IL1RL1: variants seen among roughly 807,000 people sequenced by gnomAD.
IL1RL1 encodes the protein interleukin-1 receptor-like 1.
A neutral mutation model predicts 50.9 loss-of-function variants in IL1RL1; 32 were observed. That is an observed-to-expected ratio of 0.63 (90% CI 0.47 to 0.84). The LOEUF (loss-of-function observed/expected upper bound fraction) is 0.84. IL1RL1 is among the 40% of genes least tolerant of loss of function. The pLI is 0.00. For missense variants in IL1RL1, 773 were observed against 662.9 expected (o/e 1.17, Z -1.82); for synonymous variants, 275 against 236.0 (o/e 1.17, Z -1.51).
intron 10 of IL1RL1, among the ~76,000 whole-genome samples, chr2:102,350,405 A>G (rs1480101688): frequency 2.0e-5 from 3 of 152,226 alleles, no homozygotes; most frequent in East Asian, 1.9e-4. Flanking sequence ...GCTGCCTTCA[A>G]TGTGTGACAA....
At chr2:102,313,706 C>T (rs745445735) in intron 1 of IL1RL1, among the ~76,000 whole-genome samples, 3 of 152,186 alleles carry the variant, frequency 2.0e-5, no homozygotes, top group African/African-American at 7.2e-5. Context: ...TGGGTGATGA[C>T]TTTGAGCCAG....
At position 102,352,027 on chromosome 2, in the gene IL1RL1, A is replaced by G; in HGVS notation, c.*106A>G. 1 of 1,142,700 alleles carries G rather than the reference A, an allele frequency of 8.8e-7. No individual in the cohort carries two copies. Among genetic ancestry groups the G allele is most frequent in the Non-Finnish European group, 1.2e-6 (1 of 810,302 alleles). 70.8% of individuals were successfully genotyped at this position (1,142,700 alleles called of 1,614,324 possible). On this transcript the variant is annotated 3_prime_UTR_variant, in exon 11 of 11. Transcript: ENST00000233954. ...TGTGAGGAGCAGGAATATTAAAGGGATTCAGGCCTCAGGTTTCATCTGGTA... is the reference window on the plus strand; with the variant it reads ...TGTGAGGAGCAGGAATATTAAAGGGGTTCAGGCCTCAGGTTTCATCTGGTA...
chr2:102,351,959 C>T lies in IL1RL1; in HGVS notation c.*38C>T, dbSNP rs769064904. The T allele has an allele frequency of 1.3e-6, 2 of 1,557,874 alleles. No individual in the cohort carries two copies. The highest frequency in any genetic ancestry group is 2.7e-5 in the African/African-American group (2 of 73,050). On this transcript the variant is annotated 3_prime_UTR_variant, in exon 11 of 11. Transcript: ENST00000233954. ...TGTGCAAAGGCATCTGAGTTTGAAG[C>T]TTTCCTGACTTCTCCTAGCTGGCTT...
chr2:102,329,580 A>G (rs1261930594), intron 1 of IL1RL1, among the ~76,000 whole-genome samples: 1 of 152,220 alleles, frequency 6.6e-6, no homozygotes, highest in Non-Finnish European at 1.5e-5. Flanking sequence ...AAATTTTTGC[A>G]ATCTACTTAT....
At chr2:102,339,207 A>T in intron 3 of IL1RL1, 160 bp downstream of exon 3, 1 of 605,912 alleles carries the variant, frequency 1.7e-6, no homozygotes, top group South Asian at 2.0e-5. Context: ...AACTTCTAGG[A>T]ATACTATCAG....
intron 1 of IL1RL1, among the ~76,000 whole-genome samples, chr2:102,314,279 C>T (rs192866893): frequency 3.0e-4 from 45 of 152,316 alleles, no homozygotes; most frequent in African/African-American, 1.0e-3. Flanking sequence ...CAAGTCCTTG[C>T]TGACTCCAAT....
chr2:102,343,617 G>T lies in IL1RL1; in HGVS notation c.970+202G>T, dbSNP rs543061385. ...TGGGAGCTTCTCTGCTGCTTAAATT[G>T]TTCGTCCTCCCCCACTCCCTCCTAT... On this transcript the variant is annotated intron_variant, in intron 8 of 10. Transcript: ENST00000233954. The T allele has an allele frequency of 3.2e-4, 462 of 1,445,870 alleles. No homozygotes were observed. The African/African-American group carries it at 6.1e-3, about 19-fold the overall frequency. 89.6% of individuals were successfully genotyped at this position (1,445,870 alleles called of 1,614,324 possible). A position where few individuals can be genotyped will look rare whatever the true frequency, so the allele number is the denominator to read the frequency against.
At chr2:102,344,315 T>C in intron 8 of IL1RL1, 1 of 608,458 alleles carries the variant, frequency 1.6e-6, no homozygotes, top group Non-Finnish European at 2.1e-6. Flanking sequence ...AGCATGAGAT[T>C]TGGGCAGGAA....
chr2:102,324,326 A>G (rs566835309), intron 1 of IL1RL1, among the ~76,000 whole-genome samples: 75 of 152,256 alleles, frequency 4.9e-4, no homozygotes, highest in African/African-American at 1.8e-3. Flanking sequence ...AAAATTTGGT[A>G]TTGTCAGTCT....
intron 1 of IL1RL1, among the ~76,000 whole-genome samples, chr2:102,334,200 A>G (rs77240302): frequency 0.015 from 2,214 of 152,310 alleles, 25 homozygotes; most frequent in Middle Eastern, 0.031. Flanking sequence ...ATTCCCAGCA[A>G]CAATGTATAA....
At chr2:102,322,935 T>C (rs1676876521) in intron 1 of IL1RL1, among the ~76,000 whole-genome samples, 1 of 152,188 alleles carries the variant, frequency 6.6e-6, no homozygotes, top group Non-Finnish European at 1.5e-5. Context: ...TTAGCATAAT[T>C]TTTCAGGAGC....
intron 5 of IL1RL1, 77 bp downstream of exon 5, chr2:102,340,905 G>T: frequency 8.5e-7 from 1 of 1,182,568 alleles, no homozygotes; most frequent in Non-Finnish European, 1.2e-6. Flanking sequence ...CTTCTGGTTG[G>T]GTTTCTTGCA....
rs1047444336 is a variant in IL1RL1, at chr2:102,340,104, A to G, written c.279A>G (p.Thr93=). The G allele has an allele frequency of 6.6e-7, 1 of 1,519,816 alleles. No homozygotes were observed. The highest frequency in any genetic ancestry group is 8.8e-7 in the Non-Finnish European group (1 of 1,131,814). 94.1% of individuals were successfully genotyped at this position (1,519,816 alleles called of 1,614,324 possible). A position where few individuals can be genotyped will look rare whatever the true frequency, so the allele number is the denominator to read the frequency against. The change falls in exon 4 of 11, where the codon ACA becomes ACG. Residue 93 remains threonine (T), a synonymous_variant. Coordinates refer to ENST00000233954, the MANE Select transcript of IL1RL1 (RefSeq NM_016232.5). ...GTCTGACTTATTTTAACAGTCCCAC[A>G]TTCAATAGGACTGGATATGCGAATG... ...GIYTCIVRSP[T]FNRTGYANVT... is the part of the protein sequence containing the mutation.
At chr2:102,311,770 T>C (rs2104953161) in intron 1 of IL1RL1, 147 bp downstream of exon 1, 1 of 119,686 alleles carries the variant, frequency 8.4e-6, no homozygotes, top group East Asian at 2.2e-4. Context: ...ATATATATAA[T>C]ATATAATTGT....
At position 102,338,188 on chromosome 2, in the gene IL1RL1, A is replaced by G; in HGVS notation, c.-77A>G. ...AACTGCCTCATGTGTGGTGACCTTC[A>G]CTGTCGTATGCCAGTGACTCATCTG... On this transcript the variant is annotated 5_prime_UTR_variant, in exon 2 of 11. Coordinates refer to ENST00000233954, the MANE Select transcript of IL1RL1 (RefSeq NM_016232.5). 1 of 911,904 alleles carries G rather than the reference A, an allele frequency of 1.1e-6. No individual in the cohort carries two copies. Among genetic ancestry groups the G allele is most frequent in the Non-Finnish European group, 1.8e-6 (1 of 561,988 alleles). The allele number at this position is 911,904 out of a possible 1,614,324, so 56.5% of individuals were successfully genotyped here.
At chr2:102,314,482 G>A (rs1676615652) in intron 1 of IL1RL1, among the ~76,000 whole-genome samples, 1 of 152,208 alleles carries the variant, frequency 6.6e-6, no homozygotes, top group Non-Finnish European at 1.5e-5. Context: ...ATGTAACTGA[G>A]ATTTAAAGAA....
chr2:102,319,769 G>A (rs1196265156), intron 1 of IL1RL1, among the ~76,000 whole-genome samples: 1 of 152,136 alleles, frequency 6.6e-6, no homozygotes, highest in Non-Finnish European at 1.5e-5. Context: ...GCTCATTGCA[G>A]CCTTGACCTC....
rs148165655 is a variant in IL1RL1, at chr2:102,348,039, T to C, written c.1065T>C (p.Ile355=). The C allele has an allele frequency of 2.5e-5, 40 of 1,612,120 alleles. No homozygotes were observed. The highest frequency in any genetic ancestry group is 1.8e-5 in the Non-Finnish European group (21 of 1,178,246). ...TTATCATCCTAAAAATGTTCTGGATTGAGGCCACTCTGCTCTGGAGAGACA... is the reference window on the plus strand; with the variant it reads ...TTATCATCCTAAAAATGTTCTGGATCGAGGCCACTCTGCTCTGGAGAGACA... ...VLVIILKMFW[I]EATLLWRDIA... is the part of the protein sequence containing the mutation. The change falls in exon 9 of 11, where the codon ATT becomes ATC. Residue 355 remains isoleucine (I), a synonymous_variant. Coordinates refer to ENST00000233954, the MANE Select transcript of IL1RL1 (RefSeq NM_016232.5).
Position 102,351,617 on chromosome 2 carries a change from A to G in IL1RL1, c.1367A>G (p.Lys456Arg). ...FILTPQITHN[K>R]EFAYEQEVAL... ...CTGACCCCTCAGATCACTCACAATAAGGAGTTTGCCTACGAGCAGGAGGTT... is the reference window on the plus strand; with the variant it reads ...CTGACCCCTCAGATCACTCACAATAGGGAGTTTGCCTACGAGCAGGAGGTT... The change falls in exon 11 of 11, where the codon AAG becomes AGG. Residue 456 changes from lysine to arginine, a missense_variant. Lys to Arg is a conservative substitution (Grantham distance 26, BLOSUM62 2). Transcript: ENST00000233954. 1 of 1,614,096 alleles carries G rather than the reference A, an allele frequency of 6.2e-7. No individual in the cohort carries two copies. The highest frequency in any genetic ancestry group is 1.1e-5 in the South Asian group (1 of 91,078).
Sources: gnomAD v4.1 joint callset for allele counts (sites outside exome capture counted in the v4.1 genomes callset) on GRCh38, gnomAD v4.1.1 for gene constraint, MANE v1.5 for transcripts, NCBI Gene and HGNC (gene_info 2026-07-23, HGNC 2026-07-21) for gene names.